The following EXOC2 variants were observed in gnomAD, a reference collection of about 807,000 sequenced individuals.
The protein encoded by EXOC2 is exocyst complex component 2, also known as SEC5-like 1.
A neutral mutation model predicts 131.8 loss-of-function variants in EXOC2; 70 were observed. The observed-to-expected ratio is 0.53, with a 90% CI of 0.44 to 0.65. The LOEUF is 0.65. EXOC2 is among the 30% of genes least tolerant of loss of function. EXOC2 has a pLI of 0.00. For synonymous variants in EXOC2, 411 were observed against 398.4 expected, an observed-to-expected ratio of 1.03 and a Z score of -0.38; for missense variants, 923 against 1,108.6, an observed-to-expected ratio of 0.83 and a Z score of 2.38.
At chr6:596,641 A>G (rs1191076753) in intron 10 of EXOC2, among the ~76,000 whole-genome samples, 1 of 152,140 alleles carries the variant, frequency 6.6e-6, no homozygotes, top group Non-Finnish European at 1.5e-5. Context: ...TGCTGGGATC[A>G]CAGGTCTGGG....
chr6:542,416 T>A (rs3799296), intron 22 of EXOC2, among the ~76,000 whole-genome samples: 66,265 of 152,088 alleles, frequency 0.44, 17,090 homozygotes, highest in Non-Finnish European at 0.58. Context: ...GACGGTACGG[T>A]GCACCTTGCA....
chr6:507,160 AC>A (rs1205494477), intron 23 of EXOC2, among the ~76,000 whole-genome samples: 15 of 34,392 alleles, frequency 4.4e-4, no homozygotes, highest in Admixed American at 8.5e-4. Flanking sequence ...ACAAGAAGTG[AC>A]CCCCCCACCC....
intron 4 of EXOC2, among the ~76,000 whole-genome samples, chr6:621,492 G>A (rs952887484): frequency 4.6e-5 from 7 of 152,306 alleles, no homozygotes; most frequent in Admixed American, 2.6e-4. Context: ...TGCCTACTGC[G>A]TGAGCATCTC....
chr6:664,595 A>C (rs143015832), intron 1 of EXOC2, among the ~76,000 whole-genome samples: 5 of 152,332 alleles, frequency 3.3e-5, no homozygotes, highest in African/African-American at 1.2e-4. Flanking sequence ...ACAGACACAC[A>C]GACCAGTGGA....
intron 7 of EXOC2, among the ~76,000 whole-genome samples, chr6:609,780 T>C (rs1018621592): frequency 2.0e-5 from 3 of 152,224 alleles, no homozygotes; most frequent in African/African-American, 7.2e-5. Context: ...GTGACAATCC[T>C]GGCTACTGCT....
At chr6:647,382 C>T (rs1410331160) in intron 1 of EXOC2, among the ~76,000 whole-genome samples, 1 of 151,062 alleles carries the variant, frequency 6.6e-6, no homozygotes, top group East Asian at 2.0e-4. Context: ...TGATTATCAG[C>T]AGGGGTGGTA....
intron 1 of EXOC2, among the ~76,000 whole-genome samples, chr6:686,573 C>A (rs781135948): frequency 2.0e-5 from 3 of 152,170 alleles, no homozygotes; most frequent in Non-Finnish European, 4.4e-5. Flanking sequence ...GAATGCCTGA[C>A]AACTTAGCTC....
chr6:678,510 G>A (rs539090774), intron 1 of EXOC2, among the ~76,000 whole-genome samples: 1 of 152,224 alleles, frequency 6.6e-6, no homozygotes. Flanking sequence ...GAGACTGGGT[G>A]AGCAACCTTC....
chr6:498,607 T>C (rs1391798137), intron 24 of EXOC2, among the ~76,000 whole-genome samples: 43 of 152,200 alleles, frequency 2.8e-4, no homozygotes, highest in Admixed American at 2.8e-3. Flanking sequence ...ACTGTAACGT[T>C]CTATAGTTTT....
At chr6:607,821 G>A (rs1760499941) in intron 7 of EXOC2, among the ~76,000 whole-genome samples, 2 of 152,126 alleles carry the variant, frequency 1.3e-5, no homozygotes, top group African/African-American at 2.4e-5. Context: ...ACACAGACAT[G>A]AGAAACACAT....
intron 12 of EXOC2, among the ~76,000 whole-genome samples, chr6:574,276 T>A (rs1387908161): frequency 6.6e-6 from 1 of 152,176 alleles, no homozygotes; most frequent in Non-Finnish European, 1.5e-5. Flanking sequence ...CACCTGTGGT[T>A]GTAATTTTGA....
At chr6:520,985 C>CTG (rs1765411470) in intron 23 of EXOC2, among the ~76,000 whole-genome samples, 1 of 128,844 alleles carries the variant, frequency 7.8e-6, no homozygotes, top group Non-Finnish European at 1.6e-5. Flanking sequence ...CCCACCGAGC[C>CTG]CCGATACTCA....
rs527713027 is a variant in EXOC2 at position 684,608 on chromosome 6, G to C, written c.-44+8411C>G. Among the ~76,000 whole-genome samples, 14 of 152,196 alleles carry C rather than the reference G, an allele frequency of 9.2e-5. No individual in the cohort carries two copies. The South Asian group carries it at 1.9e-3, about 20-fold the overall frequency. ...AAGCATACAGGGATGGATTTAAAGT[G>C]TTTTCTGCAACAGAAGTCAGAAAAT... On this transcript the variant is annotated intron_variant, in intron 1 of 27. Coordinates refer to ENST00000230449, the MANE Select transcript of EXOC2 (RefSeq NM_018303.6).
intron 23 of EXOC2, among the ~76,000 whole-genome samples, chr6:521,247 C>T (rs565768513): frequency 2.6e-5 from 4 of 150,970 alleles, no homozygotes; most frequent in South Asian, 2.1e-4. Context: ...CGACACGCAC[C>T]GTCCACACTC....
chr6:530,843 A>C (rs1021669354), intron 23 of EXOC2, among the ~76,000 whole-genome samples: 6 of 152,268 alleles, frequency 3.9e-5, no homozygotes, highest in African/African-American at 1.4e-4. Context: ...AGATGGCTGC[A>C]TCTGTACTGA....
intron 1 of EXOC2, among the ~76,000 whole-genome samples, chr6:678,446 C>G (rs937016278): frequency 6.6e-6 from 1 of 152,172 alleles, no homozygotes; most frequent in African/African-American, 2.4e-5. Flanking sequence ...CATCAAAAAC[C>G]AACTGTAAGT....
In EXOC2 at chr6:565,262, G is replaced by A. The variant is rs563711852; in HGVS notation, c.1444-333C>T. Among the ~76,000 whole-genome samples the A allele has an allele frequency of 5.9e-5, 9 of 152,232 alleles. 1 individual carries two copies. The South Asian group carries it at 1.2e-3, about 21-fold the overall frequency. On this transcript the variant is annotated intron_variant, in intron 13 of 27. Transcript: ENST00000230449. ...TTAAACCATCAGGTATCATACCCAC[G>A]ACAACACTGTCAACATCATTTCTCA...
chr6:590,201 G>C (rs1759464135), intron 11 of EXOC2, among the ~76,000 whole-genome samples: 1 of 151,926 alleles, frequency 6.6e-6, no homozygotes, highest in Non-Finnish European at 1.5e-5. Flanking sequence ...AAAAATTATT[G>C]GTTGAATCAA....
At chr6:533,307 T>C (rs1766215518) in intron 22 of EXOC2, among the ~76,000 whole-genome samples, 2 of 152,200 alleles carry the variant, frequency 1.3e-5, no homozygotes, top group Admixed American at 1.3e-4. Flanking sequence ...TAAACTACAA[T>C]TAAAAAGGAA....
Sources: allele counts gnomAD v4.1 joint callset (sites outside exome capture counted in the v4.1 genomes callset), GRCh38; gene constraint gnomAD v4.1.1; transcripts MANE v1.5; gene names NCBI Gene and HGNC (gene_info 2026-07-23, HGNC 2026-07-21).